TMCC1: variants seen among roughly 807,000 people sequenced by gnomAD.
TMCC1 encodes transmembrane and coiled-coil domain family 1, also known as transmembrane and coiled-coil domains protein 1.
TMCC1 carries 15 observed loss-of-function variants against 52.4 expected under a neutral mutation model. The ratio of observed to expected loss-of-function variants is 0.29; its 90% confidence interval spans 0.19 to 0.44. TMCC1 has a LOEUF of 0.44. TMCC1 is among the 20% of genes least tolerant of loss of function. The probability of loss-of-function intolerance (pLI) is 1.00; values close to 1 mark genes in which losing one functional copy is unlikely to be tolerated. For synonymous variants in TMCC1, 279 were observed against 301.9 expected (o/e 0.92, Z 0.79); for missense variants, 503 against 806.0 (o/e 0.62, Z 4.55).
At chr3:129,699,541 A>T (rs1264937346) in intron 4 of TMCC1, among the ~76,000 whole-genome samples, 1 of 152,188 alleles carries the variant, frequency 6.6e-6, no homozygotes. Flanking sequence ...TGAATAGCTC[A>T]AGCCACTGCT....
chr3:129,661,353 G>C (rs2108862546), intron 5 of TMCC1, among the ~76,000 whole-genome samples: 1 of 151,912 alleles, frequency 6.6e-6, no homozygotes, highest in East Asian at 2.0e-4. Context: ...TTGAGCCCGA[G>C]AGGTCAAGGC....
Position 129,768,618 on chromosome 3 carries a change from G to C in TMCC1, c.576+59185C>G, listed in dbSNP as rs571491067. ...AAATTGCAAAGAAAAACATGGATCT[G>C]GTTTAGGACTGTGCACATAGTCCCG... On this transcript the variant is annotated intron_variant, in intron 4 of 6. Transcript: ENST00000393238. Among the ~76,000 whole-genome samples the C allele has an allele frequency of 5.3e-5, 8 of 152,242 alleles. No homozygotes were observed. The South Asian group carries it at 1.7e-3, about 32-fold the overall frequency.
chr3:129,866,337 A>G (rs2060641939), intron 2 of TMCC1, among the ~76,000 whole-genome samples: 1 of 141,550 alleles, frequency 7.1e-6, no homozygotes, highest in African/African-American at 2.6e-5. Context: ...TATACATAAT[A>G]TATATTATAT....
At chr3:129,753,434 TA>T (rs978466114) in intron 4 of TMCC1, among the ~76,000 whole-genome samples, 4 of 152,166 alleles carry the variant, frequency 2.6e-5, no homozygotes, top group African/African-American at 9.7e-5. Flanking sequence ...TAAAAAGCAA[TA>T]CATAAATGCA....
Position 129,828,647 on chromosome 3 carries a change from CAGAAGA to C in TMCC1, c.-130-145_-130-140del, listed in dbSNP as rs1250435237. Reference sequence around the variant, plus strand: ...GCACTATCATTAAGCAATCTTTAATCAGAAGATTAAAAGACAGTTTTCTAGATAGTG... The same window carrying C: ...GCACTATCATTAAGCAATCTTTAATCTTAAAAGACAGTTTTCTAGATAGTG... On this transcript the variant is annotated intron_variant, in intron 3 of 6. Coordinates refer to ENST00000393238, the MANE Select transcript of TMCC1 (RefSeq NM_001017395.5). This position sits in a 1 kb window ranked among gnomAD's most constrained non-coding sequence, Gnocchi z 4.1. The C allele has an allele frequency of 1.4e-5, 5 of 365,348 alleles. No homozygotes were observed. The highest frequency in any genetic ancestry group is 2.4e-5 in the Non-Finnish European group (5 of 204,244). 22.6% of individuals were successfully genotyped at this position (365,348 alleles called of 1,614,324 possible). A position where few individuals can be genotyped will look rare whatever the true frequency, so the allele number is the denominator to read the frequency against.
intron 2 of TMCC1, among the ~76,000 whole-genome samples, chr3:129,879,238 C>T (rs772100466): frequency 2.6e-5 from 4 of 151,974 alleles, no homozygotes; most frequent in African/African-American, 4.8e-5. Flanking sequence ...CCCAAGAGTT[C>T]GAGACCAGCA....
At chr3:129,751,496 C>A (rs1321261115) in intron 4 of TMCC1, among the ~76,000 whole-genome samples, 2 of 152,180 alleles carry the variant, frequency 1.3e-5, no homozygotes, top group East Asian at 3.9e-4. Flanking sequence ...CACCACTGCA[C>A]TCCAGCCTTT....
chr3:129,809,857 A>C (rs2057703031), intron 4 of TMCC1, among the ~76,000 whole-genome samples: 1 of 152,194 alleles, frequency 6.6e-6, no homozygotes, highest in Non-Finnish European at 1.5e-5. Flanking sequence ...CAGTACATTT[A>C]ATCTTGATGT....
rs1389064595 is a variant in TMCC1 at position 129,688,076 on chromosome 3, T to G, written c.577-16812A>C. On this transcript the variant is annotated intron_variant, in intron 4 of 6. Transcript: ENST00000393238. ...CTTGGTCATCCTTTTCCATCAAACA[T>G]GATTTTGCAAAATGTTTTAGTTATT... 4 of 902,224 alleles carry G rather than the reference T, an allele frequency of 4.4e-6. No homozygotes were observed. The African/African-American group carries it at 7.2e-5, about 16-fold the overall frequency. The allele number at this position is 902,224 out of a possible 1,614,324, so 55.9% of individuals were successfully genotyped here.
At position 129,883,266 on chromosome 3, in the gene TMCC1, C is replaced by T. The variant is rs144739983; in HGVS notation, c.-434-2707G>A. Among the ~76,000 whole-genome samples, 1,101 of 151,810 alleles carry T rather than the reference C, an allele frequency of 7.3e-3. 21 individuals carry two copies. The highest frequency in any genetic ancestry group is 0.025 in the African/African-American group (1,032 of 41,378). ...GGCGGAGGTTGCAGTGAGCTGAGAT[C>T]GCACCACTGCACTCTACTCTGGGTG... On this transcript the variant is annotated intron_variant, in intron 1 of 6. Coordinates refer to ENST00000393238, the MANE Select transcript of TMCC1 (RefSeq NM_001017395.5).
intron 2 of TMCC1, among the ~76,000 whole-genome samples, chr3:129,866,808 A>G (rs1327905630): frequency 6.6e-6 from 1 of 152,246 alleles, no homozygotes; most frequent in Non-Finnish European, 1.5e-5. Flanking sequence ...TTATTCACTA[A>G]AAACAGGCAA....
chr3:129,848,280 CT>C (rs1245304759), intron 2 of TMCC1: 1 of 152,138 alleles, frequency 6.6e-6, no homozygotes, highest in African/African-American at 2.4e-5. Flanking sequence ...CTGACAAAAA[CT>C]TTCTGGAGTT....
intron 4 of TMCC1, among the ~76,000 whole-genome samples, chr3:129,684,661 T>A (rs530877934): frequency 2.0e-5 from 3 of 152,332 alleles, no homozygotes; most frequent in African/African-American, 7.2e-5. Flanking sequence ...AATGGAAAGA[T>A]TTCAGTTTTT....
intron 4 of TMCC1, among the ~76,000 whole-genome samples, chr3:129,697,431 C>T (rs2047496169): frequency 6.6e-6 from 1 of 152,254 alleles, no homozygotes; most frequent in Non-Finnish European, 1.5e-5. Flanking sequence ...GCCTGGCCCA[C>T]GAAGCCATTT....
intron 2 of TMCC1, among the ~76,000 whole-genome samples, chr3:129,855,150 T>C (rs1343523143): frequency 6.6e-6 from 1 of 152,222 alleles, no homozygotes; most frequent in Non-Finnish European, 1.5e-5. Context: ...AGTTTACTTA[T>C]GACAGGCCTT....
At position 129,828,176 on chromosome 3, in the gene TMCC1, T is replaced by C; in HGVS notation, c.203A>G (p.His68Arg). ...HQRRRSSVSP[H>R]DVQQIQADPE... ...ATCTGCCTGAATTTGCTGCACATCA[T>C]GTGGAGACACTGATGACCTCCTGCG... The change falls in exon 4 of 7, where the codon CAT becomes CGT. Residue 68 changes from histidine (H) to arginine (R), a missense_variant. Coordinates refer to ENST00000393238, the MANE Select transcript of TMCC1 (RefSeq NM_001017395.5). The surrounding 1 kb of genome is among the most constrained non-coding windows in gnomAD (Gnocchi z 4.1). 1 of 1,614,172 alleles carries C rather than the reference T, an allele frequency of 6.2e-7. No homozygotes were observed. Among genetic ancestry groups the C allele is most frequent in the Non-Finnish European group, 8.5e-7 (1 of 1,180,030 alleles).
At chr3:129,714,495 T>G (rs2048922343) in intron 4 of TMCC1, among the ~76,000 whole-genome samples, 1 of 152,206 alleles carries the variant, frequency 6.6e-6, no homozygotes, top group Admixed American at 6.5e-5. Context: ...ACTCGAACTT[T>G]TAACTGGACA....
intron 5 of TMCC1, among the ~76,000 whole-genome samples, chr3:129,657,723 T>A (rs1402615089): frequency 1.3e-5 from 2 of 152,106 alleles, no homozygotes; most frequent in Non-Finnish European, 2.9e-5. Context: ...AGGAGGAGTA[T>A]AATAAAAAAT....
At chr3:129,851,476 T>C (rs2059912319) in intron 2 of TMCC1, among the ~76,000 whole-genome samples, 1 of 152,174 alleles carries the variant, frequency 6.6e-6, no homozygotes, top group Non-Finnish European at 1.5e-5. Context: ...AAAAATTCAG[T>C]CTATTTTAAT....
Sources: gnomAD v4.1 joint callset for allele counts (sites outside exome capture counted in the v4.1 genomes callset) on GRCh38, gnomAD v4.1.1 for gene constraint, Gnocchi (gnomAD v3.1) non-coding constraint, MANE v1.5 for transcripts, NCBI Gene and HGNC (gene_info 2026-07-23, HGNC 2026-07-21) for gene names.